ANKRD18A: variants seen among roughly 807,000 people sequenced by gnomAD.
ANKRD18A encodes the protein ankyrin repeat domain 18A.
ANKRD18A carries 72 observed loss-of-function variants against 110.6 expected under a neutral mutation model. The observed-to-expected ratio is 0.65, with a 90% CI of 0.54 to 0.79. The LOEUF is 0.79. ANKRD18A is among the 30% of genes least tolerant of loss of function. ANKRD18A has a pLI of 0.00. For synonymous variants in ANKRD18A, 305 were observed against 410.3 expected (o/e 0.74, Z 3.10); for missense variants, 934 against 1,163.3 (o/e 0.80, Z 2.87).
At chr9:38,598,806 C>A (rs777891272) in intron 8 of ANKRD18A, among the ~76,000 whole-genome samples, 2 of 152,186 alleles carry the variant, frequency 1.3e-5, no homozygotes, top group Non-Finnish European at 2.9e-5. Context: ...GTGGAACAAG[C>A]GCTGTATTGG....
chr9:38,607,079 T>G (rs1292572373), intron 6 of ANKRD18A, among the ~76,000 whole-genome samples: 1 of 152,158 alleles, frequency 6.6e-6, no homozygotes, highest in Non-Finnish European at 1.5e-5. Context: ...TCTTTGGAGA[T>G]AGAGTCTTGC....
chr9:38,606,196 G>A (rs1825346232), intron 6 of ANKRD18A, among the ~76,000 whole-genome samples: 1 of 152,246 alleles, frequency 6.6e-6, no homozygotes, highest in Admixed American at 6.5e-5. Flanking sequence ...ATTGCCATTT[G>A]TTTACGGTGT....
At chr9:38,589,161 T>G (rs1307297886) in intron 10 of ANKRD18A, among the ~76,000 whole-genome samples, 1 of 152,210 alleles carries the variant, frequency 6.6e-6, no homozygotes, top group African/African-American at 2.4e-5. Context: ...TAGGTTTCGG[T>G]TTTTCCCTGT....
At chr9:38,597,897 T>C (rs1824956041) in intron 8 of ANKRD18A, among the ~76,000 whole-genome samples, 1 of 152,200 alleles carries the variant, frequency 6.6e-6, no homozygotes, top group Non-Finnish European at 1.5e-5. Flanking sequence ...AACAACATCA[T>C]GTAAAAGTCT....
chr9:38,592,255 GCTAAA>G (rs143914057), intron 10 of ANKRD18A, among the ~76,000 whole-genome samples: 6,137 of 152,310 alleles, frequency 0.04, 199 homozygotes, highest in African/African-American at 0.094. Context: ...AAGCTGCCAA[GCTAAA>G]CTATTTTCAA....
intron 12 of ANKRD18A, among the ~76,000 whole-genome samples, chr9:38,582,211 T>C (rs1248342967): frequency 2.0e-5 from 3 of 152,140 alleles, no homozygotes; most frequent in Non-Finnish European, 2.9e-5. Context: ...TTTCAGCAGA[T>C]ACTGCGACCA....
intron 6 of ANKRD18A, among the ~76,000 whole-genome samples, chr9:38,605,705 C>A (rs1321041555): frequency 2.0e-5 from 3 of 152,084 alleles, no homozygotes; most frequent in Admixed American, 2.0e-4. Context: ...TCTCCACCTC[C>A]TGGGTTCAAG....
chr9:38,616,252 T>C (rs1825852007), intron 1 of ANKRD18A, among the ~76,000 whole-genome samples: 1 of 152,242 alleles, frequency 6.6e-6, no homozygotes, highest in Admixed American at 6.5e-5. Flanking sequence ...GCTTGGTGTT[T>C]GGATTCAGCT....
chr9:38,609,935 T>A (rs1250040525), intron 5 of ANKRD18A, among the ~76,000 whole-genome samples: 2 of 136,262 alleles, frequency 1.5e-5, no homozygotes, highest in Admixed American at 1.6e-4. Flanking sequence ...AGTGAGACCT[T>A]GTCTCAAAAA....
intron 8 of ANKRD18A, among the ~76,000 whole-genome samples, chr9:38,596,618 A>T (rs533540636): frequency 1.3e-5 from 2 of 151,408 alleles, no homozygotes; most frequent in Admixed American, 6.6e-5. Context: ...AATCCATAAA[A>T]TACACACACA....
intron 3 of ANKRD18A, among the ~76,000 whole-genome samples, chr9:38,613,212 A>G (rs1362761838): frequency 1.3e-5 from 2 of 150,652 alleles, no homozygotes; most frequent in East Asian, 3.9e-4. Context: ...ACCCAGGGCA[A>G]CCTCTGCGCA....
At chr9:38,609,536 G>GTCCACATGGAC (rs1825513334) in intron 5 of ANKRD18A, among the ~76,000 whole-genome samples, 1 of 151,964 alleles carries the variant, frequency 6.6e-6, no homozygotes, top group Non-Finnish European at 1.5e-5. Flanking sequence ...CTGTGTATGA[G>GTCCACATGGAC]TCACCATGAA....
intron 1 of ANKRD18A, among the ~76,000 whole-genome samples, chr9:38,619,144 A>C (rs1233221980): frequency 6.6e-6 from 1 of 152,028 alleles, no homozygotes; most frequent in Non-Finnish European, 1.5e-5. Flanking sequence ...CATTCTTACG[A>C]AGGCCTTTGT....
At chr9:38,590,248 CT>C (rs2118745247) in intron 10 of ANKRD18A, among the ~76,000 whole-genome samples, 1 of 143,846 alleles carries the variant, frequency 7.0e-6, no homozygotes, top group Non-Finnish European at 1.5e-5. Flanking sequence ...TCCATTTTTT[CT>C]TTTTCTTTTT....
chr9:38,590,770 T>C (rs1433583390), intron 10 of ANKRD18A, among the ~76,000 whole-genome samples: 1 of 152,126 alleles, frequency 6.6e-6, no homozygotes, highest in African/African-American at 2.4e-5. Context: ...CAGAATGGTG[T>C]CCACCAAATG....
chr9:38,575,729 A>G, intron 14 of ANKRD18A, 31 bp from the exon 15 acceptor site: 1 of 1,514,536 alleles, frequency 6.6e-7, no homozygotes, highest in South Asian at 1.3e-5. Flanking sequence ...AATGCTTAGT[A>G]TTTCATTTTT....
chr9:38,591,703 A>G (rs543169020), intron 10 of ANKRD18A, among the ~76,000 whole-genome samples: 1 of 152,330 alleles, frequency 6.6e-6, no homozygotes, highest in African/African-American at 2.4e-5. Flanking sequence ...AAGTGGCAGC[A>G]AATGGGGAGT....
chr9:38,566,758 A>G (rs1164284894), downstream of ANKRD18A: 4 of 152,260 alleles, frequency 2.6e-5, no homozygotes, highest in Admixed American at 1.3e-4. Flanking sequence ...CAAGGCAAAG[A>G]AAGAGTCAGT....
Position 38,595,470 on chromosome 9 carries a change from T to C in ANKRD18A, c.1854+16A>G. On this transcript the variant is annotated intron_variant, in intron 9 of 15. Transcript: ENST00000399703. ...AAATTTTCTTTCCAGAAGTTTATAG[T>C]TTTCTTCATACTTACTTCTCTTTCT... 1 of 1,447,780 alleles carries C rather than the reference T, an allele frequency of 6.9e-7. No homozygotes were observed. Among genetic ancestry groups the C allele is most frequent in the Non-Finnish European group, 9.1e-7 (1 of 1,099,806 alleles). 89.7% of individuals were successfully genotyped at this position (1,447,780 alleles called of 1,614,324 possible).
Sources: allele counts gnomAD v4.1 joint callset (sites outside exome capture counted in the v4.1 genomes callset), GRCh38; gene constraint gnomAD v4.1.1; transcripts MANE v1.5; gene names NCBI Gene and HGNC (gene_info 2026-07-23, HGNC 2026-07-21).